Variants in BIRC2 observed in about 807,000 individuals in gnomAD.
The protein encoded by BIRC2 is baculoviral IAP repeat containing 2.
BIRC2 carries 18 observed loss-of-function variants against 60.9 expected under a neutral mutation model. The observed-to-expected ratio is 0.30, with a 90% CI of 0.20 to 0.44. The LOEUF (loss-of-function observed/expected upper bound fraction) is 0.44. Ranked by LOEUF, BIRC2 falls within the 20% of genes least tolerant of loss-of-function variation. BIRC2 has a pLI of 1.00. For missense variants in BIRC2, 701 were observed against 728.5 expected (o/e 0.96, Z 0.43); for synonymous variants, 282 against 247.7 (o/e 1.14, Z -1.30).
intron 4 of BIRC2, 133 bp downstream of exon 4, chr11:102,363,107 A>T: frequency 3.4e-6 from 2 of 589,432 alleles, no homozygotes; most frequent in South Asian, 2.6e-5. Flanking sequence ...CTTTTGTACC[A>T]ACCTATATTA....
intron 3 of BIRC2, among the ~76,000 whole-genome samples, chr11:102,356,237 C>A (rs898291342): frequency 6.7e-6 from 1 of 150,078 alleles, no homozygotes; most frequent in African/African-American, 2.5e-5. Flanking sequence ...GCTCTGTTGC[C>A]CAGGCTAGAA....
At position 102,357,688 on chromosome 11, in the gene BIRC2, A is replaced by G. The variant is rs148178970; in HGVS notation, c.996-5208A>G. Among the ~76,000 whole-genome samples the G allele has an allele frequency of 2.8e-3, 426 of 152,072 alleles. 3 individuals carry two copies. The highest frequency in any genetic ancestry group is 9.9e-3 in the African/African-American group (409 of 41,514). ...TTTTCGTCTTCCTTTTTACTAGTCA[A>G]ACTAAAGCTTTGTTGATTTTACTTA... On this transcript the variant is annotated intron_variant, in intron 3 of 8. Coordinates refer to ENST00000227758, the MANE Select transcript of BIRC2 (RefSeq NM_001166.5).
chr11:102,356,885 G>A (rs1951428990), intron 3 of BIRC2, among the ~76,000 whole-genome samples: 1 of 151,588 alleles, frequency 6.6e-6, no homozygotes, highest in Non-Finnish European at 1.5e-5. Flanking sequence ...CACCAGGCTG[G>A]TCTCAAACTC....
chr11:102,349,669 G>T lies in BIRC2; in HGVS notation c.-186G>T. On this transcript the variant is annotated 5_prime_UTR_variant, in exon 2 of 9. Coordinates refer to ENST00000227758, the MANE Select transcript of BIRC2 (RefSeq NM_001166.5). ...ACCCCAAAGAGTTGTGTTCTAAGTA[G>T]TATCTTGGTAATTCAGAGAGATACT... is the stretch of plus-strand genomic sequence containing the variant. 1.6e-6 allele frequency: 1 copy of T among 606,434 alleles called. No homozygotes were observed. The highest frequency in any genetic ancestry group is 2.9e-5 in the East Asian group (1 of 34,658). 37.6% of individuals were successfully genotyped at this position (606,434 alleles called of 1,614,324 possible). A position where few individuals can be genotyped will look rare whatever the true frequency, so the allele number is the denominator to read the frequency against.
At chr11:102,358,411 A>C (rs1459648834) in intron 3 of BIRC2, among the ~76,000 whole-genome samples, 1 of 152,178 alleles carries the variant, frequency 6.6e-6, no homozygotes, top group Non-Finnish European at 1.5e-5. Context: ...AATCTAAAAA[A>C]TGTAAAATTC....
Position 102,368,312 on chromosome 11 carries a change from A to ATT in BIRC2, c.1133_1134dup (p.Gly379LeufsTer13). ...CATGTTTCTTTTCAAATAGTTATTC[A>ATT]TTTTGGACCTGGAGAAAGTTCTTCA... is the stretch of plus-strand genomic sequence containing the variant. On this transcript the variant is annotated frameshift_variant, in exon 6 of 9. Transcript: ENST00000227758. LOFTEE classifies it high-confidence loss of function. The ATT allele has an allele frequency of 6.2e-7, 1 of 1,610,684 alleles. No homozygotes were observed. Among genetic ancestry groups the ATT allele is most frequent in the Non-Finnish European group, 8.5e-7 (1 of 1,178,494 alleles).
chr11:102,377,937 T>C (rs1305652462), intron 8 of BIRC2, 39 bp downstream of exon 8: 2 of 1,520,902 alleles, frequency 1.3e-6, no homozygotes, highest in East Asian at 2.3e-5. Context: ...ACTATTACCC[T>C]TTTTTTTTAA....
Position 102,348,636 on chromosome 11 carries a change from C to A in BIRC2, c.-1219C>A. ...AAGAATCTCCCTATCCCTATTTTGT[C>A]CCCCTGCAGTAATAAATCCCATTAT... On this transcript the variant is annotated 5_prime_UTR_variant, in exon 2 of 9. Coordinates refer to ENST00000227758, the MANE Select transcript of BIRC2 (RefSeq NM_001166.5). The A allele has an allele frequency of 3.5e-6, 1 of 287,474 alleles. No homozygotes were observed. The highest frequency in any genetic ancestry group is 6.8e-6 in the Non-Finnish European group (1 of 146,076). 17.8% of individuals were successfully genotyped at this position (287,474 alleles called of 1,614,324 possible).
rs1350086898 is a variant in BIRC2, at chr11:102,377,488, T to TA, written c.1367-6dup. 5.1e-6 allele frequency: 8 copies of TA among 1,580,282 alleles called. No homozygotes were observed. Among genetic ancestry groups the TA allele is most frequent in the Non-Finnish European group, 6.8e-6 (8 of 1,172,148 alleles). On this transcript the variant is annotated splice_polypyrimidine_tract_variant and splice_region_variant and intron_variant, in intron 6 of 8. Coordinates refer to ENST00000227758, the MANE Select transcript of BIRC2 (RefSeq NM_001166.5). ...TCTAATGGATTTCTTTTTCTTTTTT[T>TA]AATGAAGATGATTTGTCATTAATTC...
Position 102,377,664 on chromosome 11 carries a change from C to G in BIRC2, c.1535C>G (p.Thr512Ser). 1 of 1,611,132 alleles carries G rather than the reference C, an allele frequency of 6.2e-7. No homozygotes were observed. Among genetic ancestry groups the G allele is most frequent in the South Asian group, 1.1e-5 (1 of 90,296 alleles). Reference sequence around the variant, plus strand: ...TTACAAGCGAGAGAACTGATTGATACCATTTTGGTTAAAGGAAATGCTGCG... The same window carrying G: ...TTACAAGCGAGAGAACTGATTGATAGCATTTTGGTTAAAGGAAATGCTGCG... ...IPLQARELID[T>S]ILVKGNAAAN... The change falls in exon 7 of 9, where the codon ACC becomes AGC. Residue 512 changes from threonine to serine, a missense_variant. By Grantham distance (58) the Thr-to-Ser change is moderately conservative. This residue lies in a region of BIRC2 where 235 missense variants were observed against 208.9 expected (regional missense o/e 1.12). Transcript: ENST00000227758.
intron 3 of BIRC2, among the ~76,000 whole-genome samples, chr11:102,361,840 C>CT (rs11225226): frequency 0.89 from 124,110 of 139,718 alleles, 55,355 homozygotes; most frequent in East Asian, 0.98. Flanking sequence ...GTTATTCTCC[C>CT]TTTTTTTTTT....
rs1305533975 is a variant in BIRC2, at chr11:102,378,299, T to C, written c.*116T>C. 4 of 786,690 alleles carry C rather than the reference T, an allele frequency of 5.1e-6. No individual in the cohort carries two copies. Among genetic ancestry groups the C allele is most frequent in the African/African-American group, 1.8e-5 (1 of 56,662 alleles). 48.7% of individuals were successfully genotyped at this position (786,690 alleles called of 1,614,324 possible). On this transcript the variant is annotated 3_prime_UTR_variant, in exon 9 of 9. Transcript: ENST00000227758. ...AGTTTTTCAATTAGTAACATTCATG[T>C]TCTAGTCTGCTTTGGTACTAATAAT...
intron 5 of BIRC2, among the ~76,000 whole-genome samples, chr11:102,365,813 A>T (rs1951547141): frequency 6.6e-6 from 1 of 151,860 alleles, no homozygotes; most frequent in African/African-American, 2.4e-5. Flanking sequence ...GGCTGGTCTC[A>T]AACTCTTGAG....
chr11:102,378,052 G>A lies in BIRC2; in HGVS notation c.1726G>A (p.Asp576Asn). ...QEERTCKVCM[D>N]KEVSVVFIPC... The stretch of plus-strand genomic sequence containing the variant: ...AGAACGAACTTGTAAAGTGTGTATG[G>A]ACAAAGAAGTTTCTGTTGTATTTAT... Residue 576 changes from aspartate to asparagine, a missense_variant, in exon 9 of 9, where the codon GAC (aspartate) becomes AAC (asparagine). Around this residue, in one of 4 missense-constraint regions of BIRC2, gnomAD observed 52 missense variants for 83.9 expected, o/e 0.62. Transcript: ENST00000227758. The A allele has an allele frequency of 6.2e-7, 1 of 1,613,688 alleles. No homozygotes were observed. Among genetic ancestry groups the A allele is most frequent in the East Asian group, 2.2e-5 (1 of 44,860 alleles).
chr11:102,350,635 A>G lies in BIRC2; in HGVS notation c.781A>G (p.Ile261Val). The change falls in exon 2 of 9, where the codon ATT becomes GTT. Residue 261 changes from isoleucine to valine, a missense_variant. Coordinates refer to ENST00000227758, the MANE Select transcript of BIRC2 (RefSeq NM_001166.5). ...TTCTCTAGAAACTCTGAGGTTTAGC[A>G]TTTCAAATCTGAGCATGCAGACACA... is the stretch of plus-strand genomic sequence containing the variant. ...ENSLETLRFS[I>V]SNLSMQTHAA... 1 of 1,614,120 alleles carries G rather than the reference A, an allele frequency of 6.2e-7. No homozygotes were observed. The highest frequency in any genetic ancestry group is 8.5e-7 in the Non-Finnish European group (1 of 1,180,034).
At position 102,349,008 on chromosome 11, in the gene BIRC2, A is replaced by G. The variant is rs1951322071; in HGVS notation, c.-847A>G. 1 of 154,264 alleles carries G rather than the reference A, an allele frequency of 6.5e-6. No homozygotes were observed. Among genetic ancestry groups the G allele is most frequent in the Non-Finnish European group, 1.4e-5 (1 of 69,228 alleles). The allele number at this position is 154,264 out of a possible 1,614,324, so 9.6% of individuals were successfully genotyped here. ...ATTTTATGGCTAACTAAGTTTATGG[A>G]GAAAATACCTTCAGTTGATCAAGAA... On this transcript the variant is annotated 5_prime_UTR_variant, in exon 2 of 9. Coordinates refer to ENST00000227758, the MANE Select transcript of BIRC2 (RefSeq NM_001166.5).
rs767547513 is a variant in BIRC2 at position 102,350,238 on chromosome 11, G to A, written c.384G>A (p.Thr128=). The A allele has an allele frequency of 9.9e-6, 16 of 1,614,066 alleles. No homozygotes were observed. The highest frequency in any genetic ancestry group is 5.5e-5 in the South Asian group (5 of 91,088). Residue 128 remains threonine (T), a synonymous_variant, in exon 2 of 9, where the codon ACG becomes ACA. Coordinates refer to ENST00000227758, the MANE Select transcript of BIRC2 (RefSeq NM_001166.5). ...GTCTGGGATCCACCTCTAAGAATAC[G>A]TCTCCAATGAGAAACAGTTTTGCAC... ...SASLGSTSKN[T]SPMRNSFAHS...
intron 6 of BIRC2, among the ~76,000 whole-genome samples, chr11:102,368,788 A>G (rs1288457355): frequency 6.6e-6 from 1 of 152,178 alleles, no homozygotes; most frequent in Admixed American, 6.5e-5. Context: ...TGCCAATCAG[A>G]GAATTTTAGC....
chr11:102,369,824 CTGT>C (rs1226929180), intron 6 of BIRC2, among the ~76,000 whole-genome samples: 137 of 143,670 alleles, frequency 9.5e-4, no homozygotes, highest in Non-Finnish European at 1.7e-3. Flanking sequence ...TCTCCAGCAC[CTGT>C]TGTTTCCTGA....
Sources: gnomAD v4.1 joint callset for allele counts (sites outside exome capture counted in the v4.1 genomes callset) on GRCh38, gnomAD v4.1.1 for gene constraint, gnomAD v4.1.1 regional missense constraint, MANE v1.5 for transcripts, NCBI Gene and HGNC (gene_info 2026-07-23, HGNC 2026-07-21) for gene names.